EPM2A: variants seen among roughly 807,000 people sequenced by gnomAD.
The protein encoded by EPM2A is EPM2A glucan phosphatase, laforin.
EPM2A carries 21 observed loss-of-function variants against 26.5 expected under a neutral mutation model. The ratio of observed to expected loss-of-function variants is 0.79; its 90% confidence interval spans 0.56 to 1.14. The LOEUF (loss-of-function observed/expected upper bound fraction) is 1.14, where lower values mean the gene tolerates loss of function less well. Ranked by LOEUF, EPM2A falls within the 50% of genes most tolerant of loss-of-function variation. The pLI is 0.00. For missense variants in EPM2A, 458 were observed against 440.8 expected (o/e 1.04, Z -0.35); for synonymous variants, 217 against 177.6 (o/e 1.22, Z -1.76).
Position 145,627,408 on chromosome 6 carries a change from C to G in EPM2A, c.*8G>C. Reference sequence around the variant, plus strand: ...GAAATCAGGAGGGGGCAGAAGCAGGCTGACCAGCTACAGGCTACACACAGA... The same window carrying G: ...GAAATCAGGAGGGGGCAGAAGCAGGGTGACCAGCTACAGGCTACACACAGA... On this transcript the variant is annotated 3_prime_UTR_variant, in exon 4 of 4. Coordinates refer to ENST00000367519, the MANE Select transcript of EPM2A (RefSeq NM_005670.4). 6.2e-7 allele frequency: 1 copy of G among 1,614,098 alleles called. No homozygotes were observed. The highest frequency in any genetic ancestry group is 8.5e-7 in the Non-Finnish European group (1 of 1,180,042).
chr6:145,424,770 G>A (rs543285029), intron 4 of EPM2A, among the ~76,000 whole-genome samples: 1 of 152,150 alleles, frequency 6.6e-6, no homozygotes, highest in South Asian at 2.1e-4. Flanking sequence ...TCCACCACGT[G>A]AGGATGCAGA....
At chr6:145,402,507 G>C (rs1043584591) in intron 4 of EPM2A, among the ~76,000 whole-genome samples, 7 of 152,128 alleles carry the variant, frequency 4.6e-5, no homozygotes, top group African/African-American at 1.2e-4. Flanking sequence ...ATTTGCATAG[G>C]TTAGTAGCTT....
intron 2 of EPM2A, among the ~76,000 whole-genome samples, chr6:145,571,418 G>A (rs1411201099): frequency 6.6e-6 from 1 of 152,190 alleles, no homozygotes; most frequent in East Asian, 1.9e-4. Flanking sequence ...TAGTGCCTTG[G>A]TCAGAGGCAA....
downstream of EPM2A, among the ~76,000 whole-genome samples, chr6:145,499,837 G>C (rs1226814074): frequency 6.6e-6 from 1 of 152,182 alleles, no homozygotes; most frequent in Non-Finnish European, 1.5e-5. Context: ...TTGGAAAAAT[G>C]AATTAATTTA....
At chr6:145,410,373 T>C (rs570452839) in intron 4 of EPM2A, among the ~76,000 whole-genome samples, 1 of 152,226 alleles carries the variant, frequency 6.6e-6, no homozygotes, top group South Asian at 2.1e-4. Flanking sequence ...AGAAGACTAA[T>C]GAGAGGTTTG....
At chr6:145,606,330 T>C (rs1298927749) in intron 2 of EPM2A, among the ~76,000 whole-genome samples, 3 of 151,984 alleles carry the variant, frequency 2.0e-5, no homozygotes, top group Admixed American at 1.3e-4. Context: ...TCTTAACATA[T>C]AGGAAAATTA....
At chr6:145,730,680 T>A (rs1405337880) in intron 1 of EPM2A, among the ~76,000 whole-genome samples, 2 of 152,220 alleles carry the variant, frequency 1.3e-5, no homozygotes, top group African/African-American at 4.8e-5. Flanking sequence ...TTTTTAAAAT[T>A]ATTTTTAGAC....
intron 1 of EPM2A, among the ~76,000 whole-genome samples, chr6:145,722,046 T>C (rs1281801848): frequency 6.6e-6 from 1 of 152,180 alleles, no homozygotes; most frequent in Non-Finnish European, 1.5e-5. Context: ...AGTAATATCA[T>C]TTCAGTTATC....
At chr6:145,445,851 C>T (rs974895826) in intron 4 of EPM2A, among the ~76,000 whole-genome samples, 3 of 152,214 alleles carry the variant, frequency 2.0e-5, no homozygotes, top group Middle Eastern at 3.4e-3. Context: ...TGTCTTCTTC[C>T]CTTCAATCTG....
At chr6:145,458,916 A>G (rs757950634) in intron 4 of EPM2A, among the ~76,000 whole-genome samples, 1 of 152,100 alleles carries the variant, frequency 6.6e-6, no homozygotes, top group Non-Finnish European at 1.5e-5. Flanking sequence ...TCTTGCAAAA[A>G]CCATCAAAGT....
intron 2 of EPM2A, among the ~76,000 whole-genome samples, chr6:145,601,200 C>A (rs1357204397): frequency 4.6e-5 from 7 of 152,144 alleles, no homozygotes; most frequent in Non-Finnish European, 1.5e-5. Flanking sequence ...TTTGATTAAA[C>A]CCTGAATAAT....
intron 2 of EPM2A, among the ~76,000 whole-genome samples, chr6:145,587,183 A>G (rs1005251119): frequency 1.5e-4 from 23 of 152,210 alleles, no homozygotes; most frequent in African/African-American, 5.1e-4. Context: ...GTAATAACAT[A>G]ATATAACAGA....
At chr6:145,412,214 CAAAAAA>C (rs11404849) in intron 4 of EPM2A, among the ~76,000 whole-genome samples, 1 of 114,062 alleles carries the variant, frequency 8.8e-6, no homozygotes, top group Non-Finnish European at 1.8e-5. Flanking sequence ...GACTCTGTCT[CAAAAAA>C]AAAAAAAAAA....
chr6:145,421,209 T>C lies in EPM2A; in HGVS notation c.556-37112A>G, dbSNP rs148767887. On this transcript the variant is annotated intron_variant, in intron 4 of 4. Coordinates refer to the EPM2A transcript ENST00000638717. Reference sequence around the variant, plus strand: ...CACCAACAGGTGATAAAATACAGTATATGATATGCTGTAAATAGACAGTGA... The same window carrying C: ...CACCAACAGGTGATAAAATACAGTACATGATATGCTGTAAATAGACAGTGA... 7.9e-5 allele frequency among the ~76,000 whole-genome samples: 12 copies of C among 152,278 alleles called. No individual in the cohort carries two copies. In the East Asian group the frequency reaches 2.1e-3, roughly 27 times the overall value.
intron 2 of EPM2A, among the ~76,000 whole-genome samples, chr6:145,583,610 T>C (rs1314775216): frequency 2.0e-5 from 3 of 152,116 alleles, no homozygotes; most frequent in Non-Finnish European, 2.9e-5. Context: ...CCAAAGCACT[T>C]TGTAGGAGGA....
At chr6:145,530,733 G>T in intron 2 of EPM2A, among the ~76,000 whole-genome samples, 1 of 152,148 alleles carries the variant, frequency 6.6e-6, no homozygotes, top group East Asian at 1.9e-4. Flanking sequence ...CTGGGAGGCA[G>T]AAATTTACAT....
intron 2 of EPM2A, among the ~76,000 whole-genome samples, chr6:145,505,424 T>A (rs1255298069): frequency 6.6e-6 from 1 of 152,020 alleles, no homozygotes; most frequent in Non-Finnish European, 1.5e-5. Context: ...TATGTATATA[T>A]ACGTACAATT....
intron 2 of EPM2A, among the ~76,000 whole-genome samples, chr6:145,673,109 A>G (rs575762511): frequency 6.6e-6 from 1 of 152,308 alleles, no homozygotes; most frequent in East Asian, 1.9e-4. Context: ...AATGTCAGGG[A>G]AAGAAATTTG....
At chr6:145,684,061 A>G (rs1239453108) in intron 2 of EPM2A, among the ~76,000 whole-genome samples, 2 of 152,160 alleles carry the variant, frequency 1.3e-5, no homozygotes, top group Non-Finnish European at 2.9e-5. Flanking sequence ...AAGATTCATG[A>G]ATATACTCAT....
Sources: allele counts gnomAD v4.1 joint callset (sites outside exome capture counted in the v4.1 genomes callset), GRCh38; gene constraint gnomAD v4.1.1; transcripts MANE v1.5; gene names NCBI Gene and HGNC (gene_info 2026-07-23, HGNC 2026-07-21).